RASGEF1C: variants seen among roughly 807,000 people sequenced by gnomAD.
RASGEF1C encodes ras-GEF domain-containing family member 1C.
In RASGEF1C, 27 loss-of-function variants were observed where a neutral mutation model predicts 58.1. The ratio of observed to expected loss-of-function variants is 0.46; its 90% CI spans 0.34 to 0.64. The LOEUF (loss-of-function observed/expected upper bound fraction) is 0.64. RASGEF1C is among the 30% of genes least tolerant of loss of function. The pLI, the probability that RASGEF1C is intolerant of heterozygous loss-of-function variation, is 0.01. For synonymous variants in RASGEF1C, 243 were observed against 246.3 expected (o/e 0.99, Z 0.13); for missense variants, 502 against 605.1 (o/e 0.83, Z 1.79).
At chr5:180,138,111 T>C (rs1015871763) in intron 1 of RASGEF1C, 53 bp from the exon 2 acceptor site, 3 of 1,125,052 alleles carry the variant, frequency 2.7e-6, no homozygotes, top group Non-Finnish European at 3.7e-6. Flanking sequence ...CTGAGTTGGG[T>C]GCACCTGAGT....
intron 1 of RASGEF1C, among the ~76,000 whole-genome samples, chr5:180,208,238 C>T (rs930905824): frequency 6.6e-6 from 1 of 152,136 alleles, no homozygotes; most frequent in African/African-American, 2.4e-5. Context: ...TCTTCTCAGG[C>T]TCCCGGGGCT....
chr5:180,208,130 C>A (rs1030782320), intron 1 of RASGEF1C, among the ~76,000 whole-genome samples: 1 of 152,226 alleles, frequency 6.6e-6, no homozygotes, highest in Admixed American at 6.5e-5. Context: ...TGGAGCCAGT[C>A]TTACCAGAGG....
intron 6 of RASGEF1C, among the ~76,000 whole-genome samples, chr5:180,126,839 G>C (rs935475370): frequency 6.6e-6 from 1 of 152,142 alleles, no homozygotes; most frequent in African/African-American, 2.4e-5. Context: ...GGAAAATTGG[G>C]GTCAAGAAAG....
rs746253194 is a variant in RASGEF1C, at chr5:180,118,908, AG to A, written c.908-43del. Reference sequence around the variant, plus strand: ...GGTTGGAGAGGGCTGCTCCTGGGACAGGGGGGCCTCTGCGTAGCTGCACCCC... The same window carrying A: ...GGTTGGAGAGGGCTGCTCCTGGGACAGGGGGCCTCTGCGTAGCTGCACCCC... On this transcript the variant is annotated intron_variant, in intron 8 of 13. Transcript: ENST00000361132. 29 of 1,583,126 alleles carry A rather than the reference AG, an allele frequency of 1.8e-5. No homozygotes were observed. In the African/African-American group the frequency reaches 3.0e-4, roughly 16 times the overall value.
rs573873702 is a variant in RASGEF1C, at chr5:180,129,447, G to A, written c.439-837C>T. On this transcript the variant is annotated intron_variant, in intron 4 of 13. Transcript: ENST00000361132. ...GGAGTGCCAGACGACTCCCAACCCCGCCACCAGAGCACAGGGCTCCAGCGT... is the reference window on the plus strand; with the variant it reads ...GGAGTGCCAGACGACTCCCAACCCCACCACCAGAGCACAGGGCTCCAGCGT... Among the ~76,000 whole-genome samples, 8 of 152,162 alleles carry A rather than the reference G, an allele frequency of 5.3e-5. 1 individual carries two copies. In the South Asian group the frequency reaches 1.5e-3, roughly 28 times the overall value.
intron 1 of RASGEF1C, among the ~76,000 whole-genome samples, chr5:180,139,339 C>A (rs969836686): frequency 1.3e-5 from 2 of 152,228 alleles, no homozygotes; most frequent in African/African-American, 4.8e-5. Context: ...CTCTGAGGCT[C>A]CCCTGCTCAT....
intron 4 of RASGEF1C, among the ~76,000 whole-genome samples, chr5:180,134,933 A>T (rs1052541807): frequency 3.5e-5 from 1 of 28,728 alleles, no homozygotes; most frequent in Non-Finnish European, 6.9e-5. Context: ...CCATGCATCC[A>T]CCTGCCTATC....
chr5:180,113,190 TCCAGGATGGACAGAGGGAC>T (rs1185150862), intron 11 of RASGEF1C, among the ~76,000 whole-genome samples: 2 of 49,670 alleles, frequency 4.0e-5, no homozygotes. Context: ...GACGGAGGGA[TCCAGGATGGACAGAGGGAC>T]CGGGGATGGA....
At chr5:180,140,203 A>G (rs1465146989) in intron 1 of RASGEF1C, among the ~76,000 whole-genome samples, 1 of 152,112 alleles carries the variant, frequency 6.6e-6, no homozygotes, top group East Asian at 1.9e-4. Context: ...TTGCTGAACT[A>G]TTGTGACCCA....
chr5:180,152,682 A>G (rs11745178), intron 1 of RASGEF1C, among the ~76,000 whole-genome samples: 22,324 of 150,282 alleles, frequency 0.15, 1,796 homozygotes, highest in Non-Finnish European at 0.17. Context: ...CCTGCACGTT[A>G]TGCACATGTA....
chr5:180,101,423 G>T lies in RASGEF1C; in HGVS notation c.*78C>A. 1 of 1,564,036 alleles carries T rather than the reference G, an allele frequency of 6.4e-7. No individual in the cohort carries two copies. Among genetic ancestry groups the T allele is most frequent in the Non-Finnish European group, 8.7e-7 (1 of 1,148,426 alleles). On this transcript the variant is annotated 3_prime_UTR_variant, in exon 14 of 14. Transcript: ENST00000361132. ...AATAGTGAGGCACTCCCTGGCCTCTGCCCACTGGGCCACTGAGGCAGGGCT... is the reference window on the plus strand; with the variant it reads ...AATAGTGAGGCACTCCCTGGCCTCTTCCCACTGGGCCACTGAGGCAGGGCT...
intron 1 of RASGEF1C, among the ~76,000 whole-genome samples, chr5:180,165,713 A>C (rs1215588664): frequency 6.6e-6 from 1 of 150,390 alleles, no homozygotes; most frequent in Non-Finnish European, 1.5e-5. Flanking sequence ...CCTTCTTTTG[A>C]ATATATGAAC....
chr5:180,130,262 G>A (rs1425070672), intron 4 of RASGEF1C, among the ~76,000 whole-genome samples: 2 of 152,244 alleles, frequency 1.3e-5, no homozygotes, highest in African/African-American at 2.4e-5. Context: ...GGTAATTGAA[G>A]TGGCCTGCTT....
intron 1 of RASGEF1C, among the ~76,000 whole-genome samples, chr5:180,189,812 A>G (rs1281714983): frequency 6.8e-6 from 1 of 146,972 alleles, no homozygotes; most frequent in Non-Finnish European, 1.5e-5. Flanking sequence ...AATCTCAGCT[A>G]CTTGGGAGGC....
intron 1 of RASGEF1C, among the ~76,000 whole-genome samples, chr5:180,169,339 G>T (rs995030770): frequency 1.3e-5 from 2 of 152,070 alleles, no homozygotes; most frequent in Non-Finnish European, 2.9e-5. Flanking sequence ...CTCCCACCTC[G>T]CCTCGGAGTA....
chr5:180,120,753 A>G (rs1671842235), intron 7 of RASGEF1C, among the ~76,000 whole-genome samples: 1 of 152,190 alleles, frequency 6.6e-6, no homozygotes, highest in South Asian at 2.1e-4. Context: ...TGCCCAAGGC[A>G]GGCCGGCACA....
At chr5:180,102,379 T>A (rs1434890149) in intron 12 of RASGEF1C, among the ~76,000 whole-genome samples, 2 of 152,216 alleles carry the variant, frequency 1.3e-5, no homozygotes. Context: ...ACATGAGTCT[T>A]TATTTCTCTG....
At chr5:180,120,645 A>C (rs1177069604) in intron 7 of RASGEF1C, among the ~76,000 whole-genome samples, 1 of 152,132 alleles carries the variant, frequency 6.6e-6, no homozygotes, top group Non-Finnish European at 1.5e-5. Flanking sequence ...AGCAGCTAGA[A>C]CCACGGGCTT....
rs1766971647 is a variant in RASGEF1C at position 180,163,231 on chromosome 5, C to CTTTTTTTTTTTTTTTTGTTTT, written c.-6-25174_-6-25173insAAAACAAAAAAAAAAAAAAAA. Among the ~76,000 whole-genome samples, 2 of 19,458 alleles carry CTTTTTTTTTTTTTTTTGTTTT rather than the reference C, an allele frequency of 1.0e-4. 1 individual carries two copies. Among genetic ancestry groups the CTTTTTTTTTTTTTTTTGTTTT allele is most frequent in the African/African-American group, 2.6e-4 (2 of 7,652 alleles). The allele number at this position is 19,458 out of a possible 152,430, so 12.8% of individuals were successfully genotyped here. A position where few individuals can be genotyped will look rare whatever the true frequency, so the allele number is the denominator to read the frequency against. On this transcript the variant is annotated intron_variant, in intron 1 of 13. Coordinates refer to ENST00000361132, the MANE Select transcript of RASGEF1C (RefSeq NM_175062.4). ...TTCCCTTCCTCTCACCACCCCCTCA[C>CTTTTTTTTTTTTTTTTGTTTT]TTTTTTTTTTTTTTTTTTTTTCCAG...
Sources: gnomAD v4.1 joint callset for allele counts (sites outside exome capture counted in the v4.1 genomes callset) on GRCh38, gnomAD v4.1.1 for gene constraint, MANE v1.5 for transcripts, NCBI Gene and HGNC (gene_info 2026-07-23, HGNC 2026-07-21) for gene names.